The following GPR45 variants were observed in gnomAD, a reference collection of about 807,000 sequenced individuals.
The protein encoded by GPR45 is G protein-coupled receptor 45, also known as probable G protein-coupled receptor 45.
GPR45 carries 7 observed loss-of-function variants against 5.9 expected under a neutral mutation model. The observed-to-expected ratio is 1.19, with a 90% CI of 0.68 to 2.23. GPR45 has a LOEUF of 2.23. Among genes scored for constraint, GPR45 ranks in the 30% most tolerant of loss-of-function variants. GPR45 has a pLI of 0.00. For synonymous variants in GPR45, 220 were observed against 226.3 expected, an observed-to-expected ratio of 0.97 and a Z score of 0.25; for missense variants, 440 against 496.9, an observed-to-expected ratio of 0.89 and a Z score of 1.09.
Position 105,242,752 on chromosome 2 carries a change from C to A in GPR45, c.894C>A (p.Cys298Ter). The part of the protein sequence containing the change: ...LLSVFSQRFY[C>*]GSSFYATSTC... ...CTGTGTTTAGCCAGCGCTTTTACTG[C>A]GGTTCCTCCTTCTACGCCACCAGCA... Residue 298 changes from cysteine to a stop codon, truncating the protein, a stop_gained, in exon 1 of 1, where the codon TGC (cysteine) becomes TGA (stop). Transcript: ENST00000258456. LOFTEE classifies it high-confidence loss of function. The surrounding 1 kb of genome is among the most constrained non-coding windows in gnomAD (Gnocchi z 4.8). 6.2e-7 allele frequency: 1 copy of A among 1,614,062 alleles called. No homozygotes were observed. The highest frequency in any genetic ancestry group is 8.5e-7 in the Non-Finnish European group (1 of 1,179,918).
Position 105,243,382 on chromosome 2 carries a change from T to C in GPR45, c.*405T>C, listed in dbSNP as rs958990988. 1.3e-5 allele frequency among the ~76,000 whole-genome samples: 2 copies of C among 152,132 alleles called. No individual in the cohort carries two copies. Among genetic ancestry groups the C allele is most frequent in the South Asian group, 2.1e-4 (1 of 4,818 alleles). On this transcript the variant is annotated 3_prime_UTR_variant, in exon 1 of 1. Coordinates refer to ENST00000258456, the MANE Select transcript of GPR45 (RefSeq NM_007227.3). Reference sequence around the variant, plus strand: ...CTCTGCACCTGCTCAAGAGAAACCCTGAGAAACCCCAGTAGGTGTGAGCTC... The same window carrying C: ...CTCTGCACCTGCTCAAGAGAAACCCCGAGAAACCCCAGTAGGTGTGAGCTC...
chr2:105,242,812 C>T lies in GPR45; in HGVS notation c.954C>T (p.Val318=). ...CVLWLSYLKS[V]FNPIVYCWRI... ...TGTGGCTCAGTTACCTCAAGTCCGT[C>T]TTCAACCCCATCGTCTACTGCTGGA... Residue 318 remains valine, a synonymous_variant, in exon 1 of 1, where the codon GTC becomes GTT. Coordinates refer to ENST00000258456, the MANE Select transcript of GPR45 (RefSeq NM_007227.3). This position sits in a 1 kb window ranked among gnomAD's most constrained non-coding sequence, Gnocchi z 4.8. 3 of 1,614,268 alleles carry T rather than the reference C, an allele frequency of 1.9e-6. No homozygotes were observed. The highest frequency in any genetic ancestry group is 2.5e-6 in the Non-Finnish European group (3 of 1,180,048).
chr2:105,242,416 C>T lies in GPR45; in HGVS notation c.558C>T (p.Tyr186=). ...PARAPQCVLG[Y]TELPADRAYV... is the part of the protein sequence containing the mutation. Reference sequence around the variant, plus strand: ...GGGCCCCACAGTGCGTGCTGGGCTACACGGAGCTCCCCGCTGACCGCGCCT... The same window carrying T: ...GGGCCCCACAGTGCGTGCTGGGCTATACGGAGCTCCCCGCTGACCGCGCCT... Residue 186 remains tyrosine, a synonymous_variant, in exon 1 of 1, where the codon TAC becomes TAT. Coordinates refer to ENST00000258456, the MANE Select transcript of GPR45 (RefSeq NM_007227.3). This position sits in a 1 kb window ranked among gnomAD's most constrained non-coding sequence, Gnocchi z 4.8. 1.2e-6 allele frequency: 2 copies of T among 1,611,314 alleles called. No individual in the cohort carries two copies. The highest frequency in any genetic ancestry group is 2.2e-5 in the East Asian group (1 of 44,866).
Position 105,242,744 on chromosome 2 carries a change from T to A in GPR45, c.886T>A (p.Phe296Ile), listed in dbSNP as rs1286243828. 6.2e-7 allele frequency: 1 copy of A among 1,613,900 alleles called. No homozygotes were observed. Among genetic ancestry groups the A allele is most frequent in the African/African-American group, 1.3e-5 (1 of 74,930 alleles). ...CCTCCTGTCTGTGTTTAGCCAGCGC[T>A]TTTACTGCGGTTCCTCCTTCTACGC... is the stretch of plus-strand genomic sequence containing the variant. ...YSLLSVFSQR[F>I]YCGSSFYATS... is the part of the protein sequence containing the mutation. Residue 296 changes from phenylalanine to isoleucine, a missense_variant, in exon 1 of 1, where the codon TTT (phenylalanine) becomes ATT (isoleucine). Transcript: ENST00000258456. The surrounding 1 kb of genome is among the most constrained non-coding windows in gnomAD (Gnocchi z 4.8).
At position 105,243,076 on chromosome 2, in the gene GPR45, G is replaced by A. The variant is rs1676382323; in HGVS notation, c.*99G>A. 4 of 1,439,176 alleles carry A rather than the reference G, an allele frequency of 2.8e-6. No individual in the cohort carries two copies. Among genetic ancestry groups the A allele is most frequent in the Non-Finnish European group, 3.7e-6 (4 of 1,070,212 alleles). 89.2% of individuals were successfully genotyped at this position (1,439,176 alleles called of 1,614,324 possible). A position where few individuals can be genotyped will look rare whatever the true frequency, so the allele number is the denominator to read the frequency against. The stretch of plus-strand genomic sequence containing the variant: ...GCATGTTGGTCATAGTCTGCACTTT[G>A]TGGTGGCAATTTAAGCACAAAGGTA... On this transcript the variant is annotated 3_prime_UTR_variant, in exon 1 of 1. Transcript: ENST00000258456.
rs760679932 is a variant in GPR45, at chr2:105,242,290, C to A, written c.432C>A (p.Asn144Lys). ...TCGTCCAGCGCCAGGACAAGCTGAA[C>A]CCGCGCAGGGCCAAGGTGATCATCG... ...LIIVQRQDKLNPRRAKVIIAV... is the reference protein window; with the variant it reads ...LIIVQRQDKLKPRRAKVIIAV... Residue 144 changes from asparagine (N) to lysine (K), a missense_variant, in exon 1 of 1, where the codon AAC becomes AAA. Transcript: ENST00000258456. This position sits in a 1 kb window ranked among gnomAD's most constrained non-coding sequence, Gnocchi z 4.8. 2 of 1,614,160 alleles carry A rather than the reference C, an allele frequency of 1.2e-6. No homozygotes were observed. The highest frequency in any genetic ancestry group is 4.5e-5 in the East Asian group (2 of 44,878).
At position 105,243,350 on chromosome 2, in the gene GPR45, G is replaced by A. The variant is rs527497757; in HGVS notation, c.*373G>A. Reference sequence around the variant, plus strand: ...TCACAAGAGCTTCAACCTGCCCTGCGAGCCCTCTCTGCACCTGCTCAAGAG... The same window carrying A: ...TCACAAGAGCTTCAACCTGCCCTGCAAGCCCTCTCTGCACCTGCTCAAGAG... On this transcript the variant is annotated 3_prime_UTR_variant, in exon 1 of 1. Coordinates refer to ENST00000258456, the MANE Select transcript of GPR45 (RefSeq NM_007227.3). Among the ~76,000 whole-genome samples, 9 of 152,174 alleles carry A rather than the reference G, an allele frequency of 5.9e-5. No homozygotes were observed. Among genetic ancestry groups the A allele is most frequent in the Non-Finnish European group, 7.4e-5 (5 of 68,014 alleles).
Position 105,242,433 on chromosome 2 carries a change from A to G in GPR45, c.575A>G (p.Asp192Gly). Residue 192 changes from aspartate (D) to glycine (G), a missense_variant, in exon 1 of 1, where the codon GAC (aspartate) becomes GGC (glycine). Transcript: ENST00000258456. The surrounding 1 kb of genome is among the most constrained non-coding windows in gnomAD (Gnocchi z 4.8). ...CVLGYTELPA[D>G]RAYVVTLVVA... ...CTGGGCTACACGGAGCTCCCCGCTG[A>G]CCGCGCCTACGTGGTCACCTTGGTG... The G allele has an allele frequency of 6.2e-7, 1 of 1,609,690 alleles. No individual in the cohort carries two copies. The highest frequency in any genetic ancestry group is 8.5e-7 in the Non-Finnish European group (1 of 1,179,746).
chr2:105,242,108 T>C lies in GPR45; in HGVS notation c.250T>C (p.Ser84Pro), dbSNP rs1315419788. Reference protein sequence around the residue: ...ATLAFSDIMLSLCCMPFTAVT... With the variant: ...ATLAFSDIMLPLCCMPFTAVT... The stretch of plus-strand genomic sequence containing the variant: ...CCTGGCCTTCTCCGACATCATGCTG[T>C]CCCTCTGCTGCATGCCCTTCACCGC... Residue 84 changes from serine (S) to proline (P), a missense_variant, in exon 1 of 1, where the codon TCC becomes CCC. Ser to Pro is a moderately conservative substitution (Grantham distance 74). Transcript: ENST00000258456. This position sits in a 1 kb window ranked among gnomAD's most constrained non-coding sequence, Gnocchi z 4.8. The C allele has an allele frequency of 2.5e-6, 4 of 1,614,058 alleles. No individual in the cohort carries two copies. In the African/African-American group the frequency reaches 5.3e-5, roughly 22 times the overall value.
In GPR45 at chr2:105,241,924, A is replaced by G; in HGVS notation, c.66A>G (p.Ser22=). The G allele has an allele frequency of 6.2e-7, 1 of 1,607,712 alleles. No individual in the cohort carries two copies. Among genetic ancestry groups the G allele is most frequent in the Non-Finnish European group, 8.5e-7 (1 of 1,175,758 alleles). ...TYLLLNTSNA[S]DSGSTQLPAP... is the part of the protein sequence containing the mutation. ...TGCTGCTGAACACCAGCAACGCCTCAGACTCGGGGTCCACCCAGTTGCCCG... is the reference window on the plus strand; with the variant it reads ...TGCTGCTGAACACCAGCAACGCCTCGGACTCGGGGTCCACCCAGTTGCCCG... Residue 22 remains serine (S), a synonymous_variant, in exon 1 of 1, where the codon TCA becomes TCG. Coordinates refer to ENST00000258456, the MANE Select transcript of GPR45 (RefSeq NM_007227.3).
In GPR45 at chr2:105,242,649, A is replaced by C; in HGVS notation, c.791A>C (p.Lys264Thr). ...AGCGTGGACTTGAGCTTCAAGACCA[A>C]GGCCTTCACCACCATCCTGATCCTC... is the stretch of plus-strand genomic sequence containing the variant. ...QVSVDLSFKT[K>T]AFTTILILFV... The change falls in exon 1 of 1, where the codon AAG becomes ACG. Residue 264 changes from lysine (K) to threonine (T), a missense_variant. Transcript: ENST00000258456. This position sits in a 1 kb window ranked among gnomAD's most constrained non-coding sequence, Gnocchi z 4.8. The C allele has an allele frequency of 6.3e-7, 1 of 1,599,830 alleles. No homozygotes were observed. The highest frequency in any genetic ancestry group is 8.5e-7 in the Non-Finnish European group (1 of 1,171,638).
Position 105,241,982 on chromosome 2 carries a change from C to T in GPR45, c.124C>T (p.Leu42=), listed in dbSNP as rs1676361177. Residue 42 remains leucine (L), a synonymous_variant, in exon 1 of 1, where the codon CTG becomes TTG. Coordinates refer to ENST00000258456, the MANE Select transcript of GPR45 (RefSeq NM_007227.3). ...CAGGATCTCCTTGGCCATAGTGATG[C>T]TGCTGATGACCGTGGTGGGGTTCCT... The part of the protein sequence containing the change: ...PLRISLAIVM[L]LMTVVGFLGN... 1 of 1,613,726 alleles carries T rather than the reference C, an allele frequency of 6.2e-7. No homozygotes were observed. Among genetic ancestry groups the T allele is most frequent in the Admixed American group, 1.7e-5 (1 of 60,004 alleles).
Position 105,242,317 on chromosome 2 carries a change from G to A in GPR45, c.459G>A (p.Ala153=), listed in dbSNP as rs1287925511. The A allele has an allele frequency of 1.9e-6, 3 of 1,613,940 alleles. No homozygotes were observed. Among genetic ancestry groups the A allele is most frequent in the South Asian group, 1.1e-5 (1 of 91,080 alleles). Residue 153 remains alanine, a synonymous_variant, in exon 1 of 1, where the codon GCG becomes GCA. Transcript: ENST00000258456. This position sits in a 1 kb window ranked among gnomAD's most constrained non-coding sequence, Gnocchi z 4.8. ...LNPRRAKVII[A]VSWVLSFCIA... The stretch of plus-strand genomic sequence containing the variant: ...CGCGCAGGGCCAAGGTGATCATCGC[G>A]GTCTCCTGGGTGCTGTCCTTCTGCA...
Position 105,242,270 on chromosome 2 carries a change from C to T in GPR45, c.412C>T (p.Gln138Ter). 1 of 1,614,174 alleles carries T rather than the reference C, an allele frequency of 6.2e-7. No homozygotes were observed. The highest frequency in any genetic ancestry group is 8.5e-7 in the Non-Finnish European group (1 of 1,180,024). ...CGTGGACCGCTTCCTCATCATCGTC[C>T]AGCGCCAGGACAAGCTGAACCCGCG... is the stretch of plus-strand genomic sequence containing the variant. ...ISVDRFLIIV[Q>*]RQDKLNPRRA... Residue 138 changes from glutamine to a stop codon, truncating the protein, a stop_gained, in exon 1 of 1, where the codon CAG (glutamine) becomes TAG (stop). Transcript: ENST00000258456. LOFTEE classifies it low-confidence loss of function (END_TRUNC). This position sits in a 1 kb window ranked among gnomAD's most constrained non-coding sequence, Gnocchi z 4.8.
rs764676645 is a variant in GPR45 at position 105,242,587 on chromosome 2, G to C, written c.729G>C (p.Arg243Ser). ...GCCTGGACCTGCGGCAGCTCACCAG[G>C]GCGGGCCTGCGGCGCCTGCAGCGGC... Reference protein sequence around the residue: ...SDSLDLRQLTRAGLRRLQRQQ... With the variant: ...SDSLDLRQLTSAGLRRLQRQQ... Residue 243 changes from arginine to serine, a missense_variant, in exon 1 of 1, where the codon AGG (arginine) becomes AGC (serine). By Grantham distance (110) the Arg-to-Ser change is moderately radical. Coordinates refer to ENST00000258456, the MANE Select transcript of GPR45 (RefSeq NM_007227.3). The surrounding 1 kb of genome is among the most constrained non-coding windows in gnomAD (Gnocchi z 4.8). The C allele has an allele frequency of 6.2e-7, 1 of 1,610,384 alleles. No homozygotes were observed. Among genetic ancestry groups the C allele is most frequent in the South Asian group, 1.1e-5 (1 of 90,988 alleles).
At position 105,242,704 on chromosome 2, in the gene GPR45, C is replaced by G; in HGVS notation, c.846C>G (p.Pro282=). Reference sequence around the variant, plus strand: ...TGGGCTTCTCCCTCTGCTGGCTGCCCCACTCCGTCTACAGCCTCCTGTCTG... The same window carrying G: ...TGGGCTTCTCCCTCTGCTGGCTGCCGCACTCCGTCTACAGCCTCCTGTCTG... ...LFVGFSLCWL[P]HSVYSLLSVF... Residue 282 remains proline, a synonymous_variant, in exon 1 of 1, where the codon CCC becomes CCG. Coordinates refer to ENST00000258456, the MANE Select transcript of GPR45 (RefSeq NM_007227.3). The surrounding 1 kb of genome is among the most constrained non-coding windows in gnomAD (Gnocchi z 4.8). 3.1e-6 allele frequency: 5 copies of G among 1,607,190 alleles called. No homozygotes were observed. The highest frequency in any genetic ancestry group is 4.3e-6 in the Non-Finnish European group (5 of 1,175,466).
At position 105,242,545 on chromosome 2, in the gene GPR45, G is replaced by A; in HGVS notation, c.687G>A (p.Val229=). 2 of 1,608,700 alleles carry A rather than the reference G, an allele frequency of 1.2e-6. No homozygotes were observed. Among genetic ancestry groups the A allele is most frequent in the Non-Finnish European group, 1.7e-6 (2 of 1,179,934 alleles). Residue 229 remains valine, a synonymous_variant, in exon 1 of 1, where the codon GTG becomes GTA. Transcript: ENST00000258456. The surrounding 1 kb of genome is among the most constrained non-coding windows in gnomAD (Gnocchi z 4.8). ...LNTVRKNAVR[V]HNQSDSLDLR... ...CGGTCCGCAAGAACGCCGTGCGCGT[G>A]CACAACCAGTCGGACAGCCTGGACC...
In GPR45 at chr2:105,242,131, C is replaced by G. The variant is rs374837553; in HGVS notation, c.273C>G (p.Thr91=). Residue 91 remains threonine, a synonymous_variant, in exon 1 of 1, where the codon ACC becomes ACG. Coordinates refer to ENST00000258456, the MANE Select transcript of GPR45 (RefSeq NM_007227.3). This position sits in a 1 kb window ranked among gnomAD's most constrained non-coding sequence, Gnocchi z 4.8. Reference sequence around the variant, plus strand: ...TGTCCCTCTGCTGCATGCCCTTCACCGCCGTCACCCTCATCACCGTGCGCT... The same window carrying G: ...TGTCCCTCTGCTGCATGCCCTTCACGGCCGTCACCCTCATCACCGTGCGCT... ...IMLSLCCMPF[T]AVTLITVRWH... 1 of 1,614,062 alleles carries G rather than the reference C, an allele frequency of 6.2e-7. No individual in the cohort carries two copies. Among genetic ancestry groups the G allele is most frequent in the African/African-American group, 1.3e-5 (1 of 74,940 alleles).
In GPR45 at chr2:105,242,294, C is replaced by T. The variant is rs765078347; in HGVS notation, c.436C>T (p.Arg146Cys). The T allele has an allele frequency of 3.1e-6, 5 of 1,614,134 alleles. No individual in the cohort carries two copies. In the South Asian group the frequency reaches 3.3e-5, roughly 11 times the overall value. The part of the protein sequence containing the change: ...IVQRQDKLNP[R>C]RAKVIIAVSW... ...CCAGCGCCAGGACAAGCTGAACCCG[C>T]GCAGGGCCAAGGTGATCATCGCGGT... is the stretch of plus-strand genomic sequence containing the variant. Residue 146 changes from arginine to cysteine, a missense_variant, in exon 1 of 1, where the codon CGC (arginine) becomes TGC (cysteine). By Grantham distance (180) the Arg-to-Cys change is radical. Coordinates refer to ENST00000258456, the MANE Select transcript of GPR45 (RefSeq NM_007227.3). This position sits in a 1 kb window ranked among gnomAD's most constrained non-coding sequence, Gnocchi z 4.8.
Sources: gnomAD v4.1 joint callset for allele counts (sites outside exome capture counted in the v4.1 genomes callset) on GRCh38, gnomAD v4.1.1 for gene constraint, Gnocchi (gnomAD v3.1) non-coding constraint, MANE v1.5 for transcripts, NCBI Gene and HGNC (gene_info 2026-07-23, HGNC 2026-07-21) for gene names.